TG: variants seen among roughly 807,000 people sequenced by gnomAD.
TG encodes the protein thyroglobulin.
Under a neutral mutation model 324.7 loss-of-function variants are expected in TG, and 270 were observed. The ratio of observed to expected loss-of-function variants is 0.83; its 90% CI spans 0.75 to 0.92. The LOEUF is 0.92. Ranked by LOEUF, TG falls within the 40% of genes least tolerant of loss-of-function variation. TG has a pLI of 0.00. For synonymous variants in TG, 1,401 were observed against 1,327.0 expected (o/e 1.06, Z -1.21); for missense variants, 3,591 against 3,456.4 (o/e 1.04, Z -0.98).
chr8:133,047,526 A>G, intron 41 of TG: 4 of 400,422 alleles, frequency 1.0e-5, no homozygotes. Context: ...TCTGCACAGC[A>G]TGCTGCCTAC....
intron 41 of TG, among the ~76,000 whole-genome samples, chr8:133,033,455 C>T (rs1439040080): frequency 2.0e-5 from 3 of 152,166 alleles, no homozygotes; most frequent in Non-Finnish European, 4.4e-5. Context: ...GTATGATTCA[C>T]GGACCCAGAA....
intron 35 of TG, chr8:132,988,617 T>C (rs1018994612): frequency 2.7e-6 from 2 of 745,506 alleles, no homozygotes; most frequent in African/African-American, 3.8e-5. Flanking sequence ...TGTATAGTTG[T>C]ACTCTCTTTG....
chr8:132,874,704 A>G (rs1377641593), intron 5 of TG, among the ~76,000 whole-genome samples: 3 of 152,224 alleles, frequency 2.0e-5, no homozygotes, highest in African/African-American at 4.8e-5. Flanking sequence ...TATTAGGTTG[A>G]ACCCCATGAA....
intron 45 of TG, among the ~76,000 whole-genome samples, chr8:133,130,523 G>A (rs538058515): frequency 2.6e-5 from 4 of 152,116 alleles, no homozygotes; most frequent in African/African-American, 9.7e-5. Flanking sequence ...AGTTCTGATC[G>A]GCAGCCTCTA....
chr8:133,067,009 C>T (rs1022849774), intron 41 of TG, among the ~76,000 whole-genome samples: 2 of 152,152 alleles, frequency 1.3e-5, no homozygotes, highest in African/African-American at 2.4e-5. Flanking sequence ...ACCATTTTCC[C>T]GCCGTGACTG....
intron 43 of TG, among the ~76,000 whole-genome samples, chr8:133,104,815 T>A (rs1459795478): frequency 6.6e-6 from 1 of 152,162 alleles, no homozygotes; most frequent in African/African-American, 2.4e-5. Context: ...AAACCCACCC[T>A]GTCTCCACTG....
intron 40 of TG, among the ~76,000 whole-genome samples, chr8:133,025,600 T>C (rs1005959074): frequency 1.3e-5 from 2 of 152,128 alleles, no homozygotes; most frequent in Non-Finnish European, 2.9e-5. Context: ...ACAGTTTACC[T>C]TGGGGTTCGT....
chr8:132,881,456 T>G (rs1196557534), intron 5 of TG, among the ~76,000 whole-genome samples: 1 of 152,216 alleles, frequency 6.6e-6, no homozygotes, highest in African/African-American at 2.4e-5. Context: ...TGAGATAATC[T>G]CCAATGTACC....
chr8:132,925,243 T>C (rs987714783), intron 22 of TG, among the ~76,000 whole-genome samples: 1 of 152,192 alleles, frequency 6.6e-6, no homozygotes, highest in African/African-American at 2.4e-5. Flanking sequence ...GGATAGAATA[T>C]ACCTAGAATT....
chr8:132,872,988 G>A, intron 4 of TG, 74 bp from the exon 5 acceptor site: 1 of 1,518,680 alleles, frequency 6.6e-7, no homozygotes, highest in Non-Finnish European at 9.1e-7. Context: ...AGGGACACGA[G>A]TGCATATGCT....
Position 133,058,147 on chromosome 8 carries a change from C to A in TG, c.7239+28124C>A, listed in dbSNP as rs1035282998. ...CATGAGGCAGATGGGGACTACTTAA[C>A]ACGGCATCACTGCACCGCCTTCCCC... On this transcript the variant is annotated intron_variant, in intron 41 of 47. Coordinates refer to ENST00000220616, the MANE Select transcript of TG (RefSeq NM_003235.5). 2.6e-5 allele frequency among the ~76,000 whole-genome samples: 4 copies of A among 152,320 alleles called. No individual in the cohort carries two copies. In the East Asian group the frequency reaches 7.7e-4, roughly 29 times the overall value.
intron 45 of TG, among the ~76,000 whole-genome samples, chr8:133,129,522 G>A (rs1851789730): frequency 1.3e-5 from 2 of 152,248 alleles, no homozygotes; most frequent in East Asian, 1.9e-4. Flanking sequence ...TTGAGACAGA[G>A]TATCACTTTG....
intron 41 of TG, chr8:133,039,920 T>C (rs1837852371): frequency 6.6e-7 from 1 of 1,511,398 alleles, no homozygotes; most frequent in Non-Finnish European, 8.9e-7. Context: ...ACACACACCG[T>C]TTTGTGCTCA....
intron 35 of TG, among the ~76,000 whole-genome samples, chr8:132,990,429 G>A (rs1290712097): frequency 6.6e-6 from 1 of 151,908 alleles, no homozygotes; most frequent in Non-Finnish European, 1.5e-5. Context: ...TCTTTGTGTT[G>A]TGAACATTCC....
intron 16 of TG, among the ~76,000 whole-genome samples, chr8:132,904,139 C>A (rs1818331716): frequency 6.6e-6 from 1 of 152,184 alleles, no homozygotes; most frequent in South Asian, 2.1e-4. Context: ...GCTTCAGGGG[C>A]CTCATCTGCA....
At chr8:132,885,136 G>GT (rs1563906435) in intron 8 of TG, among the ~76,000 whole-genome samples, 1 of 150,800 alleles carries the variant, frequency 6.6e-6, no homozygotes, top group Non-Finnish European at 1.5e-5. Flanking sequence ...AGTTGGGGGG[G>GT]GGGCGTGGTG....
intron 42 of TG, 24 bp from the exon 43 acceptor site, chr8:133,096,181 CT>C (rs1564186021): frequency 2.5e-6 from 4 of 1,613,926 alleles, no homozygotes; most frequent in Non-Finnish European, 2.5e-6. Flanking sequence ...TCCAGGACAA[CT>C]GATTATTGTT....
intron 29 of TG, 29 bp downstream of exon 29, chr8:132,963,103 T>C (rs201507650): frequency 6.2e-7 from 1 of 1,605,906 alleles, no homozygotes; most frequent in African/African-American, 1.3e-5. Flanking sequence ...TCTTACACAC[T>C]TGGGTGTCTG....
At chr8:133,049,019 G>T in intron 41 of TG, 1 of 362,336 alleles carries the variant, frequency 2.8e-6, no homozygotes, top group Non-Finnish European at 5.6e-6. Context: ...GCATTTCTTT[G>T]CCAACTTCCA....
Sources: allele counts gnomAD v4.1 joint callset (sites outside exome capture counted in the v4.1 genomes callset), GRCh38; gene constraint gnomAD v4.1.1; transcripts MANE v1.5; gene names NCBI Gene and HGNC (gene_info 2026-07-23, HGNC 2026-07-21).